RABL2B: variants seen among roughly 807,000 people sequenced by gnomAD.
RABL2B encodes RAB, member of RAS oncogene family like 2B.
Under a neutral mutation model 26.7 loss-of-function variants are expected in RABL2B, and 17 were observed. The observed-to-expected ratio is 0.64, with a 90% CI of 0.44 to 0.95. RABL2B has a LOEUF of 0.95. Among genes scored for constraint, RABL2B ranks in the 40% least tolerant of loss-of-function variants. The pLI, the probability that RABL2B is intolerant of heterozygous loss-of-function variation, is 0.00. For synonymous variants in RABL2B, 70 were observed against 103.9 expected, an observed-to-expected ratio of 0.67 and a Z score of 1.99; for missense variants, 170 against 277.2, an observed-to-expected ratio of 0.61 and a Z score of 2.75.
Position 50,768,581 on chromosome 22 carries a change from T to C in RABL2B, c.*195A>G, listed in dbSNP as rs1569140167. The C allele has an allele frequency of 7.5e-7, 1 of 1,337,986 alleles. No homozygotes were observed. The highest frequency in any genetic ancestry group is 1.0e-6 in the Non-Finnish European group (1 of 1,000,838). 82.9% of individuals were successfully genotyped at this position (1,337,986 alleles called of 1,614,324 possible). A position where few individuals can be genotyped will look rare whatever the true frequency, so the allele number is the denominator to read the frequency against. Reference sequence around the variant, plus strand: ...TTCAAGGAGATCTGGTGGGGAATTCTTCCACCAGTCCAGAGTTTGCTGGTG... The same window carrying C: ...TTCAAGGAGATCTGGTGGGGAATTCCTCCACCAGTCCAGAGTTTGCTGGTG... On this transcript the variant is annotated 3_prime_UTR_variant, in exon 9 of 9. Transcript: ENST00000691320.
At chr22:50,773,036 G>A (rs2084417795) in intron 5 of RABL2B, 6 of 1,229,880 alleles carry the variant, frequency 4.9e-6, no homozygotes, top group South Asian at 4.2e-5. Context: ...ATGGTGGCAG[G>A]AGAGACACCC....
intron 4 of RABL2B, 93 bp from the exon 5 acceptor site, chr22:50,775,944 T>C (rs1603450399): frequency 7.4e-7 from 1 of 1,348,580 alleles, no homozygotes; most frequent in Admixed American, 1.7e-5. Context: ...CCACAGCACA[T>C]GTGTGAGTGT....
Position 50,768,428 on chromosome 22 carries a change from A to G in RABL2B, c.*348T>C. ...TGGAAAGAAAACAAAAACAAAAACA[A>G]AAACACCAAAAAACACCTAAATTTC... On this transcript the variant is annotated 3_prime_UTR_variant, in exon 9 of 9. Coordinates refer to ENST00000691320, the MANE Select transcript of RABL2B (RefSeq NM_001130919.3). 1 of 353,820 alleles carries G rather than the reference A, an allele frequency of 2.8e-6. No individual in the cohort carries two copies. The highest frequency in any genetic ancestry group is 2.9e-5 in the South Asian group (1 of 34,558). 21.9% of individuals were successfully genotyped at this position (353,820 alleles called of 1,614,324 possible).
At chr22:50,779,953 C>T (rs1194546122) in intron 2 of RABL2B, among the ~76,000 whole-genome samples, 3 of 152,142 alleles carry the variant, frequency 2.0e-5, no homozygotes, top group Admixed American at 6.5e-5. Flanking sequence ...TGTACTGCAG[C>T]CTGGGTGACA....
chr22:50,777,929 G>A (rs1555925569), intron 3 of RABL2B, 23 bp downstream of exon 3: 3 of 1,614,154 alleles, frequency 1.9e-6, no homozygotes, highest in Admixed American at 1.7e-5. Flanking sequence ...GGAACAAGGG[G>A]TACTTCAAAC....
intron 2 of RABL2B, 126 bp from the exon 3 acceptor site, chr22:50,778,107 C>G: frequency 7.8e-7 from 1 of 1,281,170 alleles, no homozygotes; most frequent in South Asian, 1.2e-5. Flanking sequence ...CACTCCACAG[C>G]CACACAGCTT....
intron 5 of RABL2B, among the ~76,000 whole-genome samples, chr22:50,770,701 A>G (rs1212040276): frequency 2.6e-5 from 4 of 151,874 alleles, no homozygotes; most frequent in South Asian, 4.2e-4. Context: ...GTTCCTCTGT[A>G]GTAACCGTAA....
chr22:50,781,292 C>T (rs2085808966), intron 2 of RABL2B, among the ~76,000 whole-genome samples: 1 of 147,148 alleles, frequency 6.8e-6, no homozygotes. Context: ...TGCAGTGAGC[C>T]GAGATCACGT....
Position 50,768,453 on chromosome 22 carries a change from C to A in RABL2B, c.*323G>T. On this transcript the variant is annotated 3_prime_UTR_variant, in exon 9 of 9. Coordinates refer to ENST00000691320, the MANE Select transcript of RABL2B (RefSeq NM_001130919.3). ...AAAACACCAAAAAACACCTAAATTTCCTGTATTAAAGTGACACATAATCAT... is the reference window on the plus strand; with the variant it reads ...AAAACACCAAAAAACACCTAAATTTACTGTATTAAAGTGACACATAATCAT... 1 of 405,802 alleles carries A rather than the reference C, an allele frequency of 2.5e-6. No homozygotes were observed. The highest frequency in any genetic ancestry group is 4.4e-6 in the Non-Finnish European group (1 of 225,678). The allele number at this position is 405,802 out of a possible 1,614,324, so 25.1% of individuals were successfully genotyped here.
Position 50,777,998 on chromosome 22 carries a change from C to T in RABL2B, c.108-17G>A, listed in dbSNP as rs782145358. On this transcript the variant is annotated splice_polypyrimidine_tract_variant and intron_variant, in intron 2 of 8. Coordinates refer to ENST00000691320, the MANE Select transcript of RABL2B (RefSeq NM_001130919.3). Reference sequence around the variant, plus strand: ...TCCATGAGTCTGTAAGCAGAACAGGCAAGGTGGTCAGATGGCGTCTCCATC... The same window carrying T: ...TCCATGAGTCTGTAAGCAGAACAGGTAAGGTGGTCAGATGGCGTCTCCATC... 6.2e-7 allele frequency: 1 copy of T among 1,614,070 alleles called. No individual in the cohort carries two copies. Among genetic ancestry groups the T allele is most frequent in the Admixed American group, 1.7e-5 (1 of 60,010 alleles).
At chr22:50,775,461 G>A (rs1201079239) in intron 5 of RABL2B, among the ~76,000 whole-genome samples, 27 of 152,162 alleles carry the variant, frequency 1.8e-4, no homozygotes, top group African/African-American at 5.8e-4. Context: ...TTGTCTGACA[G>A]GTTAGGTCCA....
Position 50,767,819 on chromosome 22 carries a change from G to T in RABL2B, c.*957C>A. 1 of 448,146 alleles carries T rather than the reference G, an allele frequency of 2.2e-6. No individual in the cohort carries two copies. The highest frequency in any genetic ancestry group is 7.1e-5 in the East Asian group (1 of 13,992). 27.8% of individuals were successfully genotyped at this position (448,146 alleles called of 1,614,324 possible). ...TATGGCTGTAAGGACTCGATTTTACGGCTTGTGTATTCCTAACTATAGCTA... is the reference window on the plus strand; with the variant it reads ...TATGGCTGTAAGGACTCGATTTTACTGCTTGTGTATTCCTAACTATAGCTA... On this transcript the variant is annotated 3_prime_UTR_variant, in exon 9 of 9. Coordinates refer to ENST00000691320, the MANE Select transcript of RABL2B (RefSeq NM_001130919.3).
chr22:50,776,052 C>T (rs1214631211), intron 4 of RABL2B, among the ~76,000 whole-genome samples: 1 of 152,156 alleles, frequency 6.6e-6, no homozygotes, highest in African/African-American at 2.4e-5. Flanking sequence ...TGTGTCTTCA[C>T]CTGTGTGTAT....
chr22:50,774,051 C>T (rs1276138092), intron 5 of RABL2B, among the ~76,000 whole-genome samples: 5 of 152,156 alleles, frequency 3.3e-5, no homozygotes, highest in African/African-American at 1.2e-4. Flanking sequence ...CCCGCTACCA[C>T]GCCCGGCTAA....
chr22:50,780,958 T>C (rs2085736085), intron 2 of RABL2B, among the ~76,000 whole-genome samples: 1 of 152,178 alleles, frequency 6.6e-6, no homozygotes, highest in African/African-American at 2.4e-5. Context: ...GGGGGTGTTA[T>C]TTATTGGGTA....
At position 50,770,016 on chromosome 22, in the gene RABL2B, C is replaced by T. The variant is rs1555917231; in HGVS notation, c.298G>A (p.Val100Met). ...YYHKAHACIM[V>M]FDVQRKVTYR... ...GTGACTTTCCTCTGTACATCAAACA[C>T]CTGCAAAGGGCAGAGGAAGAAAGAT... The change falls in exon 6 of 9, where the codon GTG becomes ATG. Residue 100 changes from valine to methionine, a missense_variant and splice_region_variant. Transcript: ENST00000691320. 4.3e-6 allele frequency: 7 copies of T among 1,613,898 alleles called. No homozygotes were observed. In the South Asian group the frequency reaches 7.7e-5, roughly 18 times the overall value.
chr22:50,781,611 G>T (rs2085893248), intron 2 of RABL2B, among the ~76,000 whole-genome samples: 1 of 152,154 alleles, frequency 6.6e-6, no homozygotes, highest in Non-Finnish European at 1.5e-5. Flanking sequence ...TGCTATGAAG[G>T]CAGAAATGGA....
chr22:50,775,683 T>C (rs2084876781), intron 5 of RABL2B, 89 bp downstream of exon 5: 1 of 1,409,514 alleles, frequency 7.1e-7, no homozygotes. Flanking sequence ...ACACCCAGAC[T>C]TGGTTACAAG....
At chr22:50,772,786 C>T in intron 5 of RABL2B, 1 of 1,117,378 alleles carries the variant, frequency 8.9e-7, no homozygotes, top group East Asian at 6.1e-5. Context: ...TGCCTCACAC[C>T]AGGCTCAGAT....
Sources: allele counts gnomAD v4.1 joint callset (sites outside exome capture counted in the v4.1 genomes callset), GRCh38; gene constraint gnomAD v4.1.1; transcripts MANE v1.5; gene names NCBI Gene and HGNC (gene_info 2026-07-23, HGNC 2026-07-21).